Variants in PRKCA observed in about 807,000 individuals in gnomAD.
PRKCA encodes the protein protein kinase C alpha type.
PRKCA carries 27 observed loss-of-function variants against 87.0 expected under a neutral mutation model. The ratio of observed to expected loss-of-function variants is 0.31; its 90% CI spans 0.23 to 0.43. PRKCA has a LOEUF of 0.43. Among genes scored for constraint, PRKCA ranks in the 20% least tolerant of loss-of-function variants. The pLI is 1.00. For synonymous variants in PRKCA, 329 were observed against 311.1 expected, an observed-to-expected ratio of 1.06 and a Z score of -0.61; for missense variants, 518 against 852.3, an observed-to-expected ratio of 0.61 and a Z score of 4.88.
At chr17:66,640,149 A>G (rs1466792143) in intron 3 of PRKCA, among the ~76,000 whole-genome samples, 3 of 152,166 alleles carry the variant, frequency 2.0e-5, no homozygotes, top group African/African-American at 4.8e-5. Context: ...CCTTATTTAT[A>G]GTAACCACAG....
At chr17:66,622,680 A>C (rs1297744150) in intron 3 of PRKCA, among the ~76,000 whole-genome samples, 1 of 152,246 alleles carries the variant, frequency 6.6e-6, no homozygotes, top group Non-Finnish European at 1.5e-5. Flanking sequence ...TGGGAAGAAA[A>C]GTAGGTCTAA....
Position 66,687,172 on chromosome 17 carries a change from G to C in PRKCA, c.591G>C (p.Lys197Asn). The part of the protein sequence containing the change: ...DPNGLSDPYV[K>N]LKLIPDPKNE... ...ACGGGCTTTCAGATCCTTATGTGAA[G>C]CTGAAACTTATTCCTGATCCCAAGA... Residue 197 changes from lysine (K) to asparagine (N), a missense_variant, in exon 6 of 17, where the codon AAG (lysine) becomes AAC (asparagine). Around this residue, in one of 5 missense-constraint regions of PRKCA, gnomAD observed 300 missense variants for 496.8 expected, o/e 0.60. Transcript: ENST00000413366. 6.2e-7 allele frequency: 1 copy of C among 1,613,834 alleles called. No individual in the cohort carries two copies. The highest frequency in any genetic ancestry group is 8.5e-7 in the Non-Finnish European group (1 of 1,179,770).
chr17:66,519,458 G>A (rs1967082963), intron 3 of PRKCA, among the ~76,000 whole-genome samples: 2 of 152,094 alleles, frequency 1.3e-5, no homozygotes, highest in South Asian at 4.2e-4. Context: ...GGAAACAGTT[G>A]GAAGGTATAG....
intron 11 of PRKCA, 142 bp from the exon 12 acceptor site, chr17:66,741,517 G>T: frequency 1.3e-6 from 1 of 750,708 alleles, no homozygotes; most frequent in Non-Finnish European, 2.2e-6. Flanking sequence ...GAGGACCGGG[G>T]GTTGGAAGAA....
At chr17:66,763,908 T>G (rs943130295) in intron 13 of PRKCA, among the ~76,000 whole-genome samples, 6 of 152,156 alleles carry the variant, frequency 3.9e-5, no homozygotes, top group Non-Finnish European at 7.3e-5. Flanking sequence ...GAAGGAGGCA[T>G]CTTGGCTGTT....
chr17:66,389,520 A>G (rs59607700), intron 2 of PRKCA, among the ~76,000 whole-genome samples: 1,797 of 152,302 alleles, frequency 0.012, 32 homozygotes, highest in African/African-American at 0.041. Context: ...TGCCGGAAGT[A>G]TCTGGTTTCT....
intron 2 of PRKCA, among the ~76,000 whole-genome samples, chr17:66,329,107 G>A (rs575781967): frequency 2.0e-5 from 3 of 152,314 alleles, no homozygotes; most frequent in East Asian, 3.9e-4. Context: ...TCCTCATTCT[G>A]GTGAGAGACT....
At chr17:66,719,456 T>A (rs1173310025) in intron 8 of PRKCA, among the ~76,000 whole-genome samples, 1 of 152,244 alleles carries the variant, frequency 6.6e-6, no homozygotes, top group African/African-American at 2.4e-5. Context: ...GTATATATGC[T>A]GCCAAAATGA....
chr17:66,442,152 C>T (rs1408809165), intron 2 of PRKCA, among the ~76,000 whole-genome samples: 2 of 151,672 alleles, frequency 1.3e-5, no homozygotes, highest in African/African-American at 2.4e-5. Flanking sequence ...ACCTCTGCCT[C>T]CTGGATTCAA....
chr17:66,406,585 G>GATTTTTTTTT (rs529714675), intron 2 of PRKCA, among the ~76,000 whole-genome samples: 7 of 70,178 alleles, frequency 1.0e-4, no homozygotes, highest in African/African-American at 3.2e-4. Context: ...GCTTTTCCAG[G>GATTTTTTTTT]TTTTTTTTTT....
chr17:66,416,092 C>A (rs1226036941), intron 2 of PRKCA: 1 of 152,230 alleles, frequency 6.6e-6, no homozygotes, highest in Non-Finnish European at 1.5e-5. Flanking sequence ...CCCCCTCCCT[C>A]ACTATGGGTT....
intron 2 of PRKCA, among the ~76,000 whole-genome samples, chr17:66,347,616 C>T (rs1907466900): frequency 6.6e-6 from 1 of 152,136 alleles, no homozygotes; most frequent in African/African-American, 2.4e-5. Flanking sequence ...TAAATGTTGA[C>T]ACATTTCATT....
At chr17:66,356,173 A>G (rs1457956160) in intron 2 of PRKCA, among the ~76,000 whole-genome samples, 1 of 152,194 alleles carries the variant, frequency 6.6e-6, no homozygotes, top group Non-Finnish European at 1.5e-5. Flanking sequence ...TGCTGGGATT[A>G]TAGGCATTAG....
At chr17:66,369,136 C>T (rs1229564634) in intron 2 of PRKCA, among the ~76,000 whole-genome samples, 3 of 152,194 alleles carry the variant, frequency 2.0e-5, no homozygotes, top group Non-Finnish European at 4.4e-5. Flanking sequence ...TATAATTCAG[C>T]TTGTGTTGAT....
intron 3 of PRKCA, among the ~76,000 whole-genome samples, chr17:66,586,874 G>A (rs1303828603): frequency 2.6e-5 from 4 of 152,204 alleles, no homozygotes; most frequent in Admixed American, 2.6e-4. Flanking sequence ...CTGGGGTTGT[G>A]GGTCTGAGGG....
chr17:66,478,514 G>C (rs1250273430), intron 2 of PRKCA, among the ~76,000 whole-genome samples: 1 of 152,020 alleles, frequency 6.6e-6, no homozygotes, highest in African/African-American at 2.4e-5. Context: ...TTGGCCTTCT[G>C]AAGTGTTGGG....
chr17:66,785,975 C>A (rs9902281), intron 14 of PRKCA, among the ~76,000 whole-genome samples: 26,954 of 152,134 alleles, frequency 0.18, 2,742 homozygotes, highest in East Asian at 0.38. Context: ...ACTACAGGCG[C>A]TCGCCACCAT....
rs556389929 is a variant in PRKCA, at chr17:66,533,734, C to T, written c.288+37451C>T. 8.5e-5 allele frequency among the ~76,000 whole-genome samples: 13 copies of T among 152,232 alleles called. No homozygotes were observed. In the South Asian group the frequency reaches 1.9e-3, roughly 22 times the overall value. ...GGCCAGGCAGACCCCGTTCCTTTTG[C>T]GAGTTTCCTGCAAGGCTGTTGTTGA... On this transcript the variant is annotated intron_variant, in intron 3 of 16. Coordinates refer to ENST00000413366, the MANE Select transcript of PRKCA (RefSeq NM_002737.3).
chr17:66,358,414 G>C (rs1406480505), intron 2 of PRKCA, among the ~76,000 whole-genome samples: 1 of 152,036 alleles, frequency 6.6e-6, no homozygotes, highest in African/African-American at 2.4e-5. Flanking sequence ...GATGAGATTT[G>C]TTCATATTTT....
Sources: gnomAD v4.1 joint callset for allele counts (sites outside exome capture counted in the v4.1 genomes callset) on GRCh38, gnomAD v4.1.1 for gene constraint, gnomAD v4.1.1 regional missense constraint, MANE v1.5 for transcripts, NCBI Gene and HGNC (gene_info 2026-07-23, HGNC 2026-07-21) for gene names.